The following ADGRL3 variants were observed in gnomAD, a reference collection of about 807,000 sequenced individuals.
ADGRL3 encodes the protein calcium-independent alpha-latrotoxin receptor 3.
Under a neutral mutation model 153.5 loss-of-function variants are expected in ADGRL3, and 62 were observed. That is an observed-to-expected ratio of 0.40 (90% confidence interval 0.33 to 0.50). The LOEUF is 0.50. ADGRL3 is among the 20% of genes least tolerant of loss of function. The probability of loss-of-function intolerance (pLI) is 0.47; values close to 1 mark genes in which losing one functional copy is unlikely to be tolerated. For missense variants in ADGRL3, 1,641 were observed against 1,859.4 expected, an observed-to-expected ratio of 0.88 and a Z score of 2.16; for synonymous variants, 710 against 672.5, an observed-to-expected ratio of 1.06 and a Z score of -0.86.
chr4:61,902,312 A>G (rs1222564433), intron 11 of ADGRL3, among the ~76,000 whole-genome samples: 1 of 152,030 alleles, frequency 6.6e-6, no homozygotes, highest in Non-Finnish European at 1.5e-5. Context: ...CCAGTCAGAC[A>G]CTAGTCCTGT....
At chr4:61,743,354 G>GA (rs1225151677) in intron 8 of ADGRL3, among the ~76,000 whole-genome samples, 1 of 145,774 alleles carries the variant, frequency 6.9e-6, no homozygotes, top group Non-Finnish European at 1.5e-5. Flanking sequence ...AAAGAAAAGA[G>GA]AAAACAATTC....
At chr4:61,427,352 C>G (rs531445749) in intron 2 of ADGRL3, 7 of 152,832 alleles carry the variant, frequency 4.6e-5, no homozygotes, top group Non-Finnish European at 7.3e-5. Context: ...CGCCTCGCCC[C>G]TGTGTTAACC....
At chr4:61,686,704 C>G (rs2095450754) in intron 6 of ADGRL3, among the ~76,000 whole-genome samples, 1 of 152,042 alleles carries the variant, frequency 6.6e-6, no homozygotes, top group Non-Finnish European at 1.5e-5. Flanking sequence ...CAACTATAGT[C>G]ACCGTCCTGT....
intron 2 of ADGRL3, among the ~76,000 whole-genome samples, chr4:61,455,513 G>A (rs116165515): frequency 0.013 from 2,024 of 152,124 alleles, 20 homozygotes; most frequent in Non-Finnish European, 0.017. Flanking sequence ...GATTGTAGGG[G>A]AGAACAAAAC....
intron 1 of ADGRL3, among the ~76,000 whole-genome samples, chr4:61,293,147 A>G (rs2094287213): frequency 6.6e-6 from 1 of 152,230 alleles, no homozygotes; most frequent in South Asian, 2.1e-4. Flanking sequence ...AGGTTTTGTG[A>G]AGTGGAAGAC....
chr4:61,431,955 C>A (rs566962932), intron 2 of ADGRL3, among the ~76,000 whole-genome samples: 1 of 152,182 alleles, frequency 6.6e-6, no homozygotes, highest in African/African-American at 2.4e-5. Flanking sequence ...GTGATTGAGT[C>A]AATATATATT....
intron 1 of ADGRL3, among the ~76,000 whole-genome samples, chr4:61,256,603 A>G (rs573318845): frequency 2.0e-5 from 3 of 152,042 alleles, no homozygotes; most frequent in Non-Finnish European, 4.4e-5. Context: ...TTTTGTGTGA[A>G]GAAGTATTGT....
At chr4:61,768,042 T>G (rs1173504817) in intron 8 of ADGRL3, among the ~76,000 whole-genome samples, 2 of 152,082 alleles carry the variant, frequency 1.3e-5, no homozygotes, top group East Asian at 3.9e-4. Flanking sequence ...GGGCTAGGGC[T>G]GTAAAGTGTC....
Position 61,914,602 on chromosome 4 carries a change from C to T in ADGRL3, c.2112+1845C>T, listed in dbSNP as rs185457233. Among the ~76,000 whole-genome samples, 67 of 152,156 alleles carry T rather than the reference C, an allele frequency of 4.4e-4. 1 individual carries two copies. The highest frequency in any genetic ancestry group is 1.7e-3 in the Admixed American group (26 of 15,240). Reference sequence around the variant, plus strand: ...CTGGGCATCTCTGTGTCTTGGGATCCTTCCTTGCAGGTATAGGGAGATGTG... The same window carrying T: ...CTGGGCATCTCTGTGTCTTGGGATCTTTCCTTGCAGGTATAGGGAGATGTG... On this transcript the variant is annotated intron_variant, in intron 13 of 26. Transcript: ENST00000683033.
chr4:61,271,008 G>T (rs1478637324), intron 1 of ADGRL3, among the ~76,000 whole-genome samples: 4 of 151,692 alleles, frequency 2.6e-5, no homozygotes, highest in African/African-American at 9.7e-5. Context: ...CTATATGAGA[G>T]GCATGTGAGA....
chr4:61,637,590 C>G (rs1011217516), intron 5 of ADGRL3, among the ~76,000 whole-genome samples: 5 of 152,030 alleles, frequency 3.3e-5, no homozygotes, highest in African/African-American at 1.2e-4. Flanking sequence ...ATGGTGAAAC[C>G]TCGTCTATGC....
Position 61,684,289 on chromosome 4 carries a change from G to GT in ADGRL3, c.583+7362dup, listed in dbSNP as rs966620200. On this transcript the variant is annotated intron_variant, in intron 6 of 26. Transcript: ENST00000683033. ...CTAGTTTAAATTAAATAAAGCAGAG[G>GT]TTTTTTTTGGCCAAATACAAAGTAT... Among the ~76,000 whole-genome samples the GT allele has an allele frequency of 1.5e-4, 23 of 151,846 alleles. No individual in the cohort carries two copies. In the East Asian group the frequency reaches 1.7e-3, roughly 12 times the overall value.
intron 1 of ADGRL3, among the ~76,000 whole-genome samples, chr4:61,354,492 A>C (rs959885759): frequency 4.6e-5 from 7 of 152,060 alleles, no homozygotes; most frequent in African/African-American, 1.7e-4. Context: ...TTTAGTTCGG[A>C]AATGGTGTAT....
intron 6 of ADGRL3, among the ~76,000 whole-genome samples, chr4:61,679,213 C>G (rs1168679574): frequency 6.6e-6 from 1 of 151,898 alleles, no homozygotes; most frequent in Non-Finnish European, 1.5e-5. Flanking sequence ...AGCTCCTAGA[C>G]TCTATTTAAT....
At chr4:61,470,346 C>T (rs2097933322) in intron 2 of ADGRL3, among the ~76,000 whole-genome samples, 1 of 151,678 alleles carries the variant, frequency 6.6e-6, no homozygotes, top group African/African-American at 2.4e-5. Flanking sequence ...TAGTAGTAGC[C>T]TAATTGTCTG....
chr4:61,363,951 T>C lies in ADGRL3; in HGVS notation c.-239-19173T>C, dbSNP rs1330364160. ...TACTGTTATGCATATATATTTTATATGTCATATATATAATCTGTGATAAAT... is the reference window on the plus strand; with the variant it reads ...TACTGTTATGCATATATATTTTATACGTCATATATATAATCTGTGATAAAT... On this transcript the variant is annotated intron_variant, in intron 1 of 26. Coordinates refer to ENST00000683033, the MANE Select transcript of ADGRL3 (RefSeq NM_001387552.1). Among the ~76,000 whole-genome samples the C allele has an allele frequency of 4.6e-5, 7 of 152,226 alleles. No individual in the cohort carries two copies. The South Asian group carries it at 1.2e-3, about 27-fold the overall frequency.
At chr4:61,245,693 A>C (rs1756781426) in intron 1 of ADGRL3, among the ~76,000 whole-genome samples, 4 of 152,122 alleles carry the variant, frequency 2.6e-5, no homozygotes, top group Admixed American at 2.6e-4. Context: ...TGCAGTTTGC[A>C]AGAGGGGCAA....
At chr4:61,314,216 T>TG (rs2095121104) in intron 1 of ADGRL3, among the ~76,000 whole-genome samples, 1 of 152,032 alleles carries the variant, frequency 6.6e-6, no homozygotes, top group African/African-American at 2.4e-5. Flanking sequence ...AAGTTTTTTT[T>TG]TTTTTTTTCT....
chr4:62,036,740 T>G (rs1725216497), intron 23 of ADGRL3, among the ~76,000 whole-genome samples: 1 of 152,094 alleles, frequency 6.6e-6, no homozygotes, highest in Non-Finnish European at 1.5e-5. Flanking sequence ...ATCAAATACA[T>G]AAAGGCTTAA....
Sources: gnomAD v4.1 joint callset for allele counts (sites outside exome capture counted in the v4.1 genomes callset) on GRCh38, gnomAD v4.1.1 for gene constraint, MANE v1.5 for transcripts, NCBI Gene and HGNC (gene_info 2026-07-23, HGNC 2026-07-21) for gene names.